The following HHIP variants were observed in gnomAD, a reference collection of about 807,000 sequenced individuals.
HHIP encodes the protein hedgehog-interacting protein.
In HHIP, 12 loss-of-function variants were observed where a neutral mutation model predicts 74.0. The ratio of observed to expected loss-of-function variants is 0.16; its 90% CI spans 0.10 to 0.26. The LOEUF is 0.26. Ranked by LOEUF, HHIP falls within the 10% of genes least tolerant of loss-of-function variation. The pLI is 1.00. For missense variants in HHIP, 788 were observed against 845.0 expected, an observed-to-expected ratio of 0.93 and a Z score of 0.84; for synonymous variants, 309 against 311.6, an observed-to-expected ratio of 0.99 and a Z score of 0.09.
At chr4:144,690,905 A>G (rs1729641251) in intron 4 of HHIP, among the ~76,000 whole-genome samples, 1 of 152,068 alleles carries the variant, frequency 6.6e-6, no homozygotes. Context: ...TTTAACCTCC[A>G]TTTAGATTTA....
At chr4:144,673,260 T>C (rs1477778183) in intron 4 of HHIP, among the ~76,000 whole-genome samples, 4 of 152,244 alleles carry the variant, frequency 2.6e-5, no homozygotes, top group Non-Finnish European at 5.9e-5. Flanking sequence ...GCAAATTTTT[T>C]CCTATTAAAC....
At chr4:144,680,980 C>T (rs906387327) in intron 4 of HHIP, among the ~76,000 whole-genome samples, 1 of 152,088 alleles carries the variant, frequency 6.6e-6, no homozygotes, top group Non-Finnish European at 1.5e-5. Context: ...TTCTCATTAA[C>T]TATATATTTT....
At chr4:144,699,316 C>T (rs754142447) in intron 4 of HHIP, among the ~76,000 whole-genome samples, 5 of 152,116 alleles carry the variant, frequency 3.3e-5, no homozygotes, top group Non-Finnish European at 7.4e-5. Flanking sequence ...AAGGATACGA[C>T]TCAGGAACAG....
intron 4 of HHIP, among the ~76,000 whole-genome samples, chr4:144,673,988 A>C (rs1276521798): frequency 5.3e-5 from 8 of 152,240 alleles, no homozygotes; most frequent in Admixed American, 5.2e-4. Flanking sequence ...GAAAAAGGAA[A>C]GAGGTTAATG....
intron 2 of HHIP, among the ~76,000 whole-genome samples, chr4:144,656,884 G>A (rs1388690989): frequency 2.6e-5 from 4 of 152,028 alleles, no homozygotes; most frequent in Non-Finnish European, 4.4e-5. Flanking sequence ...TAAGAAGGGA[G>A]GGAAAAGTGC....
intron 11 of HHIP, among the ~76,000 whole-genome samples, chr4:144,728,170 C>A (rs146145429): frequency 3.0e-4 from 46 of 152,318 alleles, no homozygotes; most frequent in Middle Eastern, 3.4e-3. Context: ...GCTCGATTCA[C>A]TAAGTTACTA....
chr4:144,701,955 G>A (rs6838704), intron 4 of HHIP, among the ~76,000 whole-genome samples: 89,391 of 151,920 alleles, frequency 0.59, 26,390 homozygotes, highest in South Asian at 0.77. Context: ...TCTTTTAAAT[G>A]TCACAATGAA....
chr4:144,646,670 C>A lies in HHIP; in HGVS notation c.-6C>A, dbSNP rs1447370797. 1.9e-6 allele frequency: 3 copies of A among 1,613,078 alleles called. No homozygotes were observed. The highest frequency in any genetic ancestry group is 2.2e-5 in the East Asian group (1 of 44,876). On this transcript the variant is annotated 5_prime_UTR_variant, in exon 1 of 13. Transcript: ENST00000296575. ...CGCGCCCAGCCCCTGCTGCTCTGGG[C>A]AGACGATGCTGAAGATGCTCTCCTT... is the stretch of plus-strand genomic sequence containing the variant.
At chr4:144,671,497 A>C (rs1729035800) in intron 4 of HHIP, among the ~76,000 whole-genome samples, 1 of 152,208 alleles carries the variant, frequency 6.6e-6, no homozygotes, top group South Asian at 2.1e-4. Flanking sequence ...CTTAGGTGAC[A>C]GCATCAATTT....
intron 4 of HHIP, among the ~76,000 whole-genome samples, chr4:144,663,951 G>A (rs1728786048): frequency 6.6e-6 from 1 of 152,222 alleles, no homozygotes; most frequent in Non-Finnish European, 1.5e-5. Flanking sequence ...GTTAAAGGAA[G>A]GATATGCCCG....
At chr4:144,647,763 A>C (rs1453542463) in intron 1 of HHIP, among the ~76,000 whole-genome samples, 1 of 152,196 alleles carries the variant, frequency 6.6e-6, no homozygotes, top group African/African-American at 2.4e-5. Flanking sequence ...CGTTCTTGCC[A>C]GGAGATGCAG....
intron 4 of HHIP, among the ~76,000 whole-genome samples, chr4:144,677,867 G>A (rs1234260191): frequency 6.6e-6 from 1 of 152,072 alleles, no homozygotes; most frequent in Non-Finnish European, 1.5e-5. Context: ...TATAATATTT[G>A]TTTCTTGCTC....
At chr4:144,657,349 T>G (rs1283015744) in intron 2 of HHIP, among the ~76,000 whole-genome samples, 2 of 152,214 alleles carry the variant, frequency 1.3e-5, no homozygotes, top group African/African-American at 4.8e-5. Flanking sequence ...CTGAATTTGT[T>G]ATACAACTTC....
chr4:144,701,462 T>A (rs925648191), intron 4 of HHIP, among the ~76,000 whole-genome samples: 5 of 152,118 alleles, frequency 3.3e-5, no homozygotes, highest in African/African-American at 1.2e-4. Flanking sequence ...TTTCTAACAG[T>A]GTAGCATTGT....
chr4:144,670,106 A>G (rs61086348), intron 4 of HHIP, among the ~76,000 whole-genome samples: 10,979 of 150,060 alleles, frequency 0.073, 744 homozygotes, highest in East Asian at 0.21. Flanking sequence ...ATCACACCAC[A>G]GCACTCCAGC....
At chr4:144,737,120 G>A (rs1731142067) in intron 12 of HHIP, among the ~76,000 whole-genome samples, 1 of 152,160 alleles carries the variant, frequency 6.6e-6, no homozygotes, top group Admixed American at 6.5e-5. Flanking sequence ...AATAAATTCT[G>A]TGCTGTAGGG....
intron 4 of HHIP, among the ~76,000 whole-genome samples, chr4:144,675,498 C>T (rs1729148706): frequency 6.6e-6 from 1 of 151,766 alleles, no homozygotes; most frequent in Non-Finnish European, 1.5e-5. Context: ...AAACTGAAAC[C>T]ATTGGGAAAT....
chr4:144,706,955 C>T, intron 5 of HHIP, 132 bp from the exon 6 acceptor site: 1 of 769,044 alleles, frequency 1.3e-6, no homozygotes, highest in Non-Finnish European at 2.1e-6. Context: ...CTGTTAGCTC[C>T]ATTTCAAATA....
At chr4:144,648,449 T>G in intron 1 of HHIP, 1 of 152,250 alleles carries the variant, frequency 6.6e-6, no homozygotes, top group African/African-American at 2.4e-5. Flanking sequence ...TCTCTTTTTA[T>G]TCTTACCATA....
Sources: allele counts gnomAD v4.1 joint callset (sites outside exome capture counted in the v4.1 genomes callset), GRCh38; gene constraint gnomAD v4.1.1; transcripts MANE v1.5; gene names NCBI Gene and HGNC (gene_info 2026-07-23, HGNC 2026-07-21).